Variants in RALGAPA1 observed in about 807,000 individuals in gnomAD.
RALGAPA1 encodes Ral GTPase activating protein catalytic subunit alpha 1.
RALGAPA1 carries 52 observed loss-of-function variants against 269.6 expected under a neutral mutation model. The observed-to-expected ratio is 0.19, with a 90% confidence interval of 0.15 to 0.24. RALGAPA1 has a LOEUF of 0.24. RALGAPA1 is among the 10% of genes least tolerant of loss of function. The pLI is 1.00. For missense variants in RALGAPA1, 1,917 were observed against 3,013.9 expected (o/e 0.64, Z 8.52); for synonymous variants, 817 against 1,008.3 (o/e 0.81, Z 3.60).
Position 35,748,737 on chromosome 14 carries a change from G to A in RALGAPA1, c.1099C>T (p.His367Tyr). Residue 367 changes from histidine (H) to tyrosine (Y), a missense_variant, in exon 10 of 42, where the codon CAT becomes TAT. This residue lies in a region of RALGAPA1 where 462 missense variants were observed against 725.6 expected (regional missense o/e 0.64). Transcript: ENST00000680220. ...TCCGTGAGAGTGCTTGTATTGGAAT[G>A]AGACTGTTCGGGTTCTGTAGTTCTG... ...TDRTTEPEQS[H>Y]SNTSTLTERE... is the part of the protein sequence containing the mutation. The A allele has an allele frequency of 6.2e-7, 1 of 1,612,894 alleles. No individual in the cohort carries two copies. Among genetic ancestry groups the A allele is most frequent in the Non-Finnish European group, 8.5e-7 (1 of 1,179,804 alleles).
intron 37 of RALGAPA1, among the ~76,000 whole-genome samples, chr14:35,592,447 T>A (rs2058693386): frequency 6.6e-6 from 1 of 152,154 alleles, no homozygotes; most frequent in East Asian, 1.9e-4. Context: ...TTATTACCAA[T>A]ATTTAAACTC....
intron 36 of RALGAPA1, among the ~76,000 whole-genome samples, chr14:35,598,919 G>T (rs999639397): frequency 9.2e-5 from 14 of 151,864 alleles, no homozygotes; most frequent in Non-Finnish European, 1.5e-5. Flanking sequence ...TATTTTTCCT[G>T]CCTCCTGTGG....
rs76847458 is a variant in RALGAPA1 at position 35,573,073 on chromosome 14, G to C, written c.7210-355C>G. ...CTCATAAATTGGATAATCCCCAGTT[G>C]AGTAAGAGAAAGTTGATTATGTTTC... On this transcript the variant is annotated intron_variant, in intron 37 of 41. Coordinates refer to ENST00000680220, the MANE Select transcript of RALGAPA1 (RefSeq NM_001346249.2). Among the ~76,000 whole-genome samples the C allele has an allele frequency of 8.9e-3, 1,352 of 152,262 alleles. 10 individuals carry two copies. The highest frequency in any genetic ancestry group is 0.012 in the Non-Finnish European group (819 of 67,994).
chr14:35,772,754 G>A (rs748378428), intron 3 of RALGAPA1, among the ~76,000 whole-genome samples: 1 of 152,182 alleles, frequency 6.6e-6, no homozygotes, highest in African/African-American at 2.4e-5. Flanking sequence ...GTTAAGTAGT[G>A]CACTTAGGTT....
intron 11 of RALGAPA1, 78 bp downstream of exon 11, chr14:35,742,290 G>A: frequency 9.6e-7 from 1 of 1,042,708 alleles, no homozygotes; most frequent in East Asian, 2.6e-5. Flanking sequence ...GTATATTTGT[G>A]TTAACCCATT....
intron 29 of RALGAPA1, among the ~76,000 whole-genome samples, chr14:35,655,239 T>A (rs570805456): frequency 1.3e-4 from 20 of 152,292 alleles, no homozygotes; most frequent in African/African-American, 3.8e-4. Flanking sequence ...CTACTTTGTA[T>A]GTTTAGAGTC....
chr14:35,785,464 C>A (rs80302839), intron 1 of RALGAPA1, among the ~76,000 whole-genome samples: 1 of 152,030 alleles, frequency 6.6e-6, no homozygotes, highest in Non-Finnish European at 1.5e-5. Flanking sequence ...CTGGAAAATG[C>A]ATTACACTGA....
At chr14:35,668,905 G>C (rs1475416710) in intron 26 of RALGAPA1, among the ~76,000 whole-genome samples, 1 of 151,742 alleles carries the variant, frequency 6.6e-6, no homozygotes, top group African/African-American at 2.4e-5. Context: ...TTTAAATAAA[G>C]TACCTTTCAA....
At chr14:35,688,325 G>A (rs147197156) in intron 18 of RALGAPA1, 134 bp downstream of exon 18, 73 of 903,784 alleles carry the variant, frequency 8.1e-5, no homozygotes, top group South Asian at 5.6e-4. Flanking sequence ...GGGAAAAGGC[G>A]CATGCATAAC....
rs775146719 is a variant in RALGAPA1, at chr14:35,756,873, G to A, written c.583C>T (p.Pro195Ser). Residue 195 changes from proline (P) to serine (S), a missense_variant, in exon 7 of 42, where the codon CCC becomes TCC. Pro to Ser is a moderately conservative substitution (Grantham distance 74). This residue lies in a region of RALGAPA1 where 462 missense variants were observed against 725.6 expected (regional missense o/e 0.64). Coordinates refer to ENST00000680220, the MANE Select transcript of RALGAPA1 (RefSeq NM_001346249.2). ...VTIEEITPLVPPQSGDKGQED... is the reference protein window; with the variant it reads ...VTIEEITPLVSPQSGDKGQED... ...TGCCCTTTATCTCCTGATTGTGGGG[G>A]GACAAGAGGAGTGATTTCTTCTATA... 1.9e-6 allele frequency: 3 copies of A among 1,609,932 alleles called. No individual in the cohort carries two copies. Among genetic ancestry groups the A allele is most frequent in the South Asian group, 2.2e-5 (2 of 90,498 alleles).
At chr14:35,688,308 T>C in intron 18 of RALGAPA1, 151 bp downstream of exon 18, 1 of 791,226 alleles carries the variant, frequency 1.3e-6, no homozygotes, top group Non-Finnish European at 1.9e-6. Context: ...CTGGGAAAAA[T>C]ACAGCTGGGA....
intron 31 of RALGAPA1, among the ~76,000 whole-genome samples, chr14:35,637,057 A>T (rs2061705600): frequency 6.6e-6 from 1 of 152,174 alleles, no homozygotes; most frequent in Non-Finnish European, 1.5e-5. Flanking sequence ...AGTAAAAAGA[A>T]AGGATGTAGA....
chr14:35,729,261 T>A (rs1595348273), intron 12 of RALGAPA1, among the ~76,000 whole-genome samples: 3 of 152,104 alleles, frequency 2.0e-5, no homozygotes, highest in African/African-American at 7.2e-5. Context: ...CTATATCCCA[T>A]CAAAATATTA....
chr14:35,794,265 A>G (rs1316464244), intron 1 of RALGAPA1, among the ~76,000 whole-genome samples: 4 of 152,198 alleles, frequency 2.6e-5, no homozygotes, highest in Middle Eastern at 3.4e-3. Flanking sequence ...ACTTGAGCCC[A>G]GGAGTTTAAG....
At chr14:35,741,560 A>G (rs1225581479) in intron 11 of RALGAPA1, among the ~76,000 whole-genome samples, 2 of 152,188 alleles carry the variant, frequency 1.3e-5, no homozygotes, top group Non-Finnish European at 2.9e-5. Context: ...AATTCCACTG[A>G]TGAGGTTAGA....
chr14:35,604,368 C>T (rs72668479), intron 36 of RALGAPA1, among the ~76,000 whole-genome samples: 108 of 151,724 alleles, frequency 7.1e-4, no homozygotes, highest in Non-Finnish European at 1.3e-3. Flanking sequence ...GTATCAATAA[C>T]GATATCTAGA....
chr14:35,797,966 G>A (rs1450802761), intron 1 of RALGAPA1, among the ~76,000 whole-genome samples: 1 of 151,436 alleles, frequency 6.6e-6, no homozygotes, highest in East Asian at 1.9e-4. Flanking sequence ...TCGACCTCCT[G>A]GGCTCAAGCA....
At chr14:35,655,475 A>C (rs571002597) in intron 29 of RALGAPA1, among the ~76,000 whole-genome samples, 13 of 152,246 alleles carry the variant, frequency 8.5e-5, no homozygotes, top group East Asian at 5.8e-4. Flanking sequence ...ATCAAAGAAC[A>C]GTAAGTTACA....
At chr14:35,585,978 A>G (rs1215462593) in intron 37 of RALGAPA1, among the ~76,000 whole-genome samples, 6 of 152,170 alleles carry the variant, frequency 3.9e-5, no homozygotes, top group Non-Finnish European at 5.9e-5. Context: ...GTTTTTTCCA[A>G]TTCTGTGAAG....
Sources: gnomAD v4.1 joint callset for allele counts (sites outside exome capture counted in the v4.1 genomes callset) on GRCh38, gnomAD v4.1.1 for gene constraint, gnomAD v4.1.1 regional missense constraint, MANE v1.5 for transcripts, NCBI Gene and HGNC (gene_info 2026-07-23, HGNC 2026-07-21) for gene names.